RPL37A: variants seen among roughly 807,000 people sequenced by gnomAD.
The protein encoded by RPL37A is ribosomal protein L37a, also known as large ribosomal subunit protein eL43.
Under a neutral mutation model 13.6 loss-of-function variants are expected in RPL37A, and 5 were observed. That is an observed-to-expected ratio of 0.37 (90% CI 0.19 to 0.78). The LOEUF (loss-of-function observed/expected upper bound fraction) is 0.78. Among genes scored for constraint, RPL37A ranks in the 30% least tolerant of loss-of-function variants. The pLI is 0.49. For missense variants in RPL37A, 77 were observed against 120.0 expected, an observed-to-expected ratio of 0.64 and a Z score of 1.67; for synonymous variants, 50 against 44.4, an observed-to-expected ratio of 1.13 and a Z score of -0.50.
At chr2:216,499,577 T>G (rs1323718323) in intron 2 of RPL37A, 179 bp downstream of exon 2, 1 of 812,094 alleles carries the variant, frequency 1.2e-6, no homozygotes, top group Non-Finnish European at 1.9e-6. Context: ...TGTGAGACGT[T>G]TTTCATTTAA....
Position 216,499,414 on chromosome 2 carries a change from T to G in RPL37A, c.132+16T>G. 6.2e-7 allele frequency: 1 copy of G among 1,613,588 alleles called. No individual in the cohort carries two copies. Among genetic ancestry groups the G allele is most frequent in the Non-Finnish European group, 8.5e-7 (1 of 1,179,718 alleles). On this transcript the variant is annotated intron_variant, in intron 2 of 3. Transcript: ENST00000491306. ...CTGTGGCAAAGTAAGTAAGGCAAAG[T>G]CTCTGGTGAGAGGAGAGGGAGGGCA...
chr2:216,500,543 G>C (rs2106110190), intron 3 of RPL37A: 1 of 162,172 alleles, frequency 6.2e-6, no homozygotes, highest in African/African-American at 2.4e-5. Flanking sequence ...ATCTAGACCT[G>C]TGTTGTCCAA....
chr2:216,500,186 C>T (rs1695575724), intron 3 of RPL37A, 155 bp downstream of exon 3: 1 of 636,166 alleles, frequency 1.6e-6, no homozygotes, highest in East Asian at 2.7e-5. Flanking sequence ...GGTTTATTTT[C>T]AGTTATTGAA....
At position 216,502,370 on chromosome 2, in the gene RPL37A, T is replaced by C. The variant is rs955481410; in HGVS notation, c.*966T>C. Reference sequence around the variant, plus strand: ...AAAGATATACTAAAGGATATACATATACTGCCTCTTCTATGATGTTTCATT... The same window carrying C: ...AAAGATATACTAAAGGATATACATACACTGCCTCTTCTATGATGTTTCATT... On this transcript the variant is annotated 3_prime_UTR_variant, in exon 4 of 4. Coordinates refer to ENST00000491306, the MANE Select transcript of RPL37A (RefSeq NM_000998.5). 2.0e-5 allele frequency: 3 copies of C among 152,188 alleles called. No individual in the cohort carries two copies. The highest frequency in any genetic ancestry group is 7.2e-5 in the African/African-American group (3 of 41,444). 9.4% of individuals were successfully genotyped at this position (152,188 alleles called of 1,614,324 possible).
In RPL37A at chr2:216,501,456, T is replaced by A. The variant is rs1344424168; in HGVS notation, c.*52T>A. 7.5e-7 allele frequency: 1 copy of A among 1,324,780 alleles called. No homozygotes were observed. The highest frequency in any genetic ancestry group is 2.3e-5 in the East Asian group (1 of 43,326). The allele number at this position is 1,324,780 out of a possible 1,614,324, so 82.1% of individuals were successfully genotyped here. ...CTGGCCTATAATAAATGGGTTAATT[T>A]ATGTAACAAAATTGCCTTGGCTTGT... On this transcript the variant is annotated 3_prime_UTR_variant, in exon 4 of 4. Coordinates refer to ENST00000491306, the MANE Select transcript of RPL37A (RefSeq NM_000998.5).
At chr2:216,501,229 TC>T in intron 3 of RPL37A, 111 bp from the exon 4 acceptor site, 6 of 766,490 alleles carry the variant, frequency 7.8e-6, no homozygotes, top group Non-Finnish European at 1.4e-5. Flanking sequence ...TATAATTCTT[TC>T]TAGGAAAATT....
intron 2 of RPL37A, 99 bp downstream of exon 2, chr2:216,499,497 G>T (rs1340727006): frequency 2.1e-6 from 3 of 1,421,482 alleles, no homozygotes; most frequent in Admixed American, 4.8e-5. Context: ...TGTGCTGGTG[G>T]GCAGTTGGAA....
chr2:216,499,243 A>G, intron 1 of RPL37A, 27 bp from the exon 2 acceptor site: 1 of 1,605,122 alleles, frequency 6.2e-7, no homozygotes. Flanking sequence ...CAGGTCTATC[A>G]CTGGTTTCTC....
In RPL37A at chr2:216,504,044, A is replaced by G. The variant is rs1418515213; in HGVS notation, c.*2640A>G. 6.6e-6 allele frequency: 1 copy of G among 152,180 alleles called. No individual in the cohort carries two copies. The highest frequency in any genetic ancestry group is 1.5e-5 in the Non-Finnish European group (1 of 68,032). 9.4% of individuals were successfully genotyped at this position (152,180 alleles called of 1,614,324 possible). A position where few individuals can be genotyped will look rare whatever the true frequency, so the allele number is the denominator to read the frequency against. On this transcript the variant is annotated 3_prime_UTR_variant, in exon 4 of 4. Transcript: ENST00000491306. Reference sequence around the variant, plus strand: ...TTGACTCTAAGTCATCTAATTGAACATTGTGTTGTGATATAAAAAGTAAGT... The same window carrying G: ...TTGACTCTAAGTCATCTAATTGAACGTTGTGTTGTGATATAAAAAGTAAGT...
chr2:216,502,657 C>T lies in RPL37A; in HGVS notation c.*1253C>T, dbSNP rs1201842558. 6.6e-6 allele frequency: 1 copy of T among 152,228 alleles called. No homozygotes were observed. Among genetic ancestry groups the T allele is most frequent in the African/African-American group, 2.4e-5 (1 of 41,460 alleles). 9.4% of individuals were successfully genotyped at this position (152,228 alleles called of 1,614,324 possible). On this transcript the variant is annotated 3_prime_UTR_variant, in exon 4 of 4. Transcript: ENST00000491306. Reference sequence around the variant, plus strand: ...TCAACCATCTGTGGTATGGACTTCTCAGTCCTCCTAATTGGTATGTCTTTT... The same window carrying T: ...TCAACCATCTGTGGTATGGACTTCTTAGTCCTCCTAATTGGTATGTCTTTT...
In RPL37A at chr2:216,499,395, C is replaced by T. The variant is rs753320604; in HGVS notation, c.129C>T (p.Gly43=). The change falls in exon 2 of 4, where the codon GGC becomes GGT. Residue 43 remains glycine (G), a synonymous_variant. Transcript: ENST00000491306. ...CCAAGTACACTTGCTCTTTCTGTGGCAAAGTAAGTAAGGCAAAGTCTCTGG... is the reference window on the plus strand; with the variant it reads ...CCAAGTACACTTGCTCTTTCTGTGGTAAAGTAAGTAAGGCAAAGTCTCTGG... ...QHAKYTCSFC[G]KTKMKRRAVG... The T allele has an allele frequency of 2.5e-6, 4 of 1,613,902 alleles. No individual in the cohort carries two copies. The highest frequency in any genetic ancestry group is 2.2e-5 in the South Asian group (2 of 91,074).
Position 216,499,217 on chromosome 2 carries a change from G to C in RPL37A, c.4-53G>C. ...GGAGGAACGGTGTGTGGAGGCTCCAGGGCCTGCCTGGGTTCCAGGTCTATC... is the reference window on the plus strand; with the variant it reads ...GGAGGAACGGTGTGTGGAGGCTCCACGGCCTGCCTGGGTTCCAGGTCTATC... On this transcript the variant is annotated intron_variant, in intron 1 of 3. Transcript: ENST00000491306. 2.5e-6 allele frequency: 4 copies of C among 1,583,546 alleles called. No homozygotes were observed. In the South Asian group the frequency reaches 3.5e-5, roughly 14 times the overall value.
rs983656518 is a variant in RPL37A, at chr2:216,503,703, A to T, written c.*2299A>T. On this transcript the variant is annotated 3_prime_UTR_variant, in exon 4 of 4. Transcript: ENST00000491306. ...TGTAAGCCACCTCACCCAGCCATGTATTGCTTTTTTATGACAGTTAAAAGA... is the reference window on the plus strand; with the variant it reads ...TGTAAGCCACCTCACCCAGCCATGTTTTGCTTTTTTATGACAGTTAAAAGA... 6.6e-6 allele frequency: 1 copy of T among 152,164 alleles called. No homozygotes were observed. Among genetic ancestry groups the T allele is most frequent in the Non-Finnish European group, 1.5e-5 (1 of 68,058 alleles). The allele number at this position is 152,164 out of a possible 1,614,324, so 9.4% of individuals were successfully genotyped here. A position where few individuals can be genotyped will look rare whatever the true frequency, so the allele number is the denominator to read the frequency against.
intron 2 of RPL37A, 37 bp from the exon 3 acceptor site, chr2:216,499,912 T>C (rs1314522418): frequency 2.6e-6 from 4 of 1,540,914 alleles, no homozygotes; most frequent in Admixed American, 1.7e-5. Flanking sequence ...AGAAAATACT[T>C]ACTTGGTTCA....
In RPL37A at chr2:216,501,454, T is replaced by A. The variant is rs757464370; in HGVS notation, c.*50T>A. ...CACTGGCCTATAATAAATGGGTTAATTTATGTAACAAAATTGCCTTGGCTT... is the reference window on the plus strand; with the variant it reads ...CACTGGCCTATAATAAATGGGTTAAATTATGTAACAAAATTGCCTTGGCTT... On this transcript the variant is annotated 3_prime_UTR_variant, in exon 4 of 4. Coordinates refer to ENST00000491306, the MANE Select transcript of RPL37A (RefSeq NM_000998.5). 3 of 1,330,370 alleles carry A rather than the reference T, an allele frequency of 2.3e-6. No homozygotes were observed. In the African/African-American group the frequency reaches 4.4e-5, roughly 19 times the overall value. 82.4% of individuals were successfully genotyped at this position (1,330,370 alleles called of 1,614,324 possible).
chr2:216,500,389 TCAAAA>T, intron 3 of RPL37A: 2 of 299,824 alleles, frequency 6.7e-6, no homozygotes, highest in East Asian at 8.5e-5. Context: ...GTCAGTTAGT[TCAAAA>T]CTGTATTTGG....
chr2:216,500,239 T>C (rs1327800920), intron 3 of RPL37A: 1 of 592,636 alleles, frequency 1.7e-6, no homozygotes, highest in Admixed American at 3.0e-5. Flanking sequence ...GGAAATCTAA[T>C]TCACAGACTA....
intron 2 of RPL37A, 182 bp downstream of exon 2, chr2:216,499,580 T>G: frequency 1.3e-6 from 1 of 799,550 alleles, no homozygotes; most frequent in Admixed American, 2.9e-5. Flanking sequence ...GAGACGTTTT[T>G]CATTTAAAGA....
Position 216,503,154 on chromosome 2 carries a change from A to T in RPL37A, c.*1750A>T, listed in dbSNP as rs1374313448. 3.9e-5 allele frequency: 6 copies of T among 152,184 alleles called. No homozygotes were observed. The allele number at this position is 152,184 out of a possible 1,614,324, so 9.4% of individuals were successfully genotyped here. A position where few individuals can be genotyped will look rare whatever the true frequency, so the allele number is the denominator to read the frequency against. ...AGTGACCAGGATTTCATGTAAGCAT[A>T]GGGAATTGAATGAGCATTAGATGGT... On this transcript the variant is annotated 3_prime_UTR_variant, in exon 4 of 4. Transcript: ENST00000491306.
Sources: gnomAD v4.1 joint callset for allele counts on GRCh38, gnomAD v4.1.1 for gene constraint, MANE v1.5 for transcripts, NCBI Gene and HGNC (gene_info 2026-07-23, HGNC 2026-07-21) for gene names.